Variants in CDK14 observed in about 807,000 individuals in gnomAD.
CDK14 encodes cyclin dependent kinase 14, also known as cyclin-dependent kinase 14.
A neutral mutation model predicts 60.7 loss-of-function variants in CDK14; 34 were observed. The observed-to-expected ratio is 0.56, with a 90% CI of 0.43 to 0.75. The LOEUF (loss-of-function observed/expected upper bound fraction) is 0.75, where lower values mean the gene tolerates loss of function less well. Ranked by LOEUF, CDK14 falls within the 30% of genes least tolerant of loss-of-function variation. The pLI is 0.00. For missense variants in CDK14, 482 were observed against 564.1 expected (o/e 0.85, Z 1.47); for synonymous variants, 197 against 203.7 (o/e 0.97, Z 0.28).
At chr7:90,963,086 A>AGTGTGTGTGTGTGTGTGT (rs34662049) in intron 9 of CDK14, among the ~76,000 whole-genome samples, 99 of 142,176 alleles carry the variant, frequency 7.0e-4, no homozygotes, top group African/African-American at 1.3e-3. Flanking sequence ...TCATCTTAAG[A>AGTGTGTGTGTGTGTGTGT]GTGTGTGTGT....
chr7:90,900,240 T>C (rs986995638), intron 7 of CDK14, among the ~76,000 whole-genome samples: 18 of 152,148 alleles, frequency 1.2e-4, no homozygotes, highest in African/African-American at 4.1e-4. Flanking sequence ...TAGGAACTTA[T>C]AGGAAATCTG....
chr7:91,104,430 A>G (rs1012087967), intron 12 of CDK14, among the ~76,000 whole-genome samples: 7 of 152,128 alleles, frequency 4.6e-5, no homozygotes, highest in African/African-American at 1.7e-4. Context: ...TTAATGCCTG[A>G]ATGTTCTTTG....
At chr7:90,671,986 A>G (rs1273710527) in intron 2 of CDK14, among the ~76,000 whole-genome samples, 1 of 152,214 alleles carries the variant, frequency 6.6e-6, no homozygotes, top group Non-Finnish European at 1.5e-5. Context: ...CTGGCCAGTT[A>G]TCTTCGCAGT....
intron 14 of CDK14, among the ~76,000 whole-genome samples, chr7:91,174,597 G>C (rs377188796): frequency 0.05 from 6,481 of 130,780 alleles, 125 homozygotes; most frequent in Admixed American, 0.094. Flanking sequence ...ATAACCAATA[G>C]AGAGAAGTGC....
rs528429762 is a variant in CDK14, at chr7:90,709,581, G to A, written c.124-16986G>A. 1.5e-5 allele frequency: 24 copies of A among 1,612,932 alleles called. No individual in the cohort carries two copies. Among genetic ancestry groups the A allele is most frequent in the Admixed American group, 5.0e-5 (3 of 59,870 alleles). ...TGGCTGCAATGCTGCTGCAGAGCCC[G>A]GTTACTCTGCCTTCGTGGGAACTCC... is the stretch of plus-strand genomic sequence containing the variant. On this transcript the variant is annotated intron_variant, in intron 2 of 14. Transcript: ENST00000380050.
intron 11 of CDK14, among the ~76,000 whole-genome samples, chr7:91,050,317 C>A (rs762962854): frequency 6.6e-6 from 1 of 152,082 alleles, no homozygotes; most frequent in Non-Finnish European, 1.5e-5. Context: ...TAACAGGAAT[C>A]CAGGGGAGAG....
At chr7:90,680,576 A>C (rs766636895) in intron 2 of CDK14, among the ~76,000 whole-genome samples, 2 of 152,186 alleles carry the variant, frequency 1.3e-5, no homozygotes, top group Non-Finnish European at 2.9e-5. Flanking sequence ...TGTTGGAAAA[A>C]TCTATTGGGT....
chr7:90,635,390 A>C (rs1422602486), intron 2 of CDK14, among the ~76,000 whole-genome samples: 1 of 152,220 alleles, frequency 6.6e-6, no homozygotes, highest in Non-Finnish European at 1.5e-5. Flanking sequence ...TTAAATAGGG[A>C]ATCCTTTCCC....
At chr7:90,932,212 CTG>C (rs1253808967) in intron 8 of CDK14, among the ~76,000 whole-genome samples, 3 of 152,116 alleles carry the variant, frequency 2.0e-5, no homozygotes. Flanking sequence ...ATTTCTGAAA[CTG>C]TGGTCTGCGG....
chr7:90,826,745 G>C (rs1463460443), intron 5 of CDK14, among the ~76,000 whole-genome samples: 1 of 151,998 alleles, frequency 6.6e-6, no homozygotes, highest in African/African-American at 2.4e-5. Context: ...TAGGTTTATG[G>C]AGAAATTGAG....
intron 4 of CDK14, among the ~76,000 whole-genome samples, chr7:90,782,827 C>A (rs12704577): frequency 0.18 from 27,871 of 151,984 alleles, 2,673 homozygotes; most frequent in South Asian, 0.24. Flanking sequence ...TAAGGAGGAA[C>A]TAAATAATTT....
intron 4 of CDK14, among the ~76,000 whole-genome samples, chr7:90,771,510 A>G (rs954284347): frequency 6.6e-5 from 10 of 152,202 alleles, no homozygotes; most frequent in African/African-American, 2.4e-4. Context: ...ACAGAAGGAA[A>G]GCTCTCAGCA....
At chr7:91,004,507 G>A (rs1795927546) in intron 10 of CDK14, among the ~76,000 whole-genome samples, 1 of 152,176 alleles carries the variant, frequency 6.6e-6, no homozygotes, top group Admixed American at 6.5e-5. Context: ...CTAAAGGTGT[G>A]TGAGCAAGGT....
At chr7:90,758,489 C>A (rs892730870) in intron 4 of CDK14, among the ~76,000 whole-genome samples, 1 of 152,150 alleles carries the variant, frequency 6.6e-6, no homozygotes, top group Non-Finnish European at 1.5e-5. Flanking sequence ...TTTAATTCAG[C>A]ACCTTGAAAT....
At chr7:91,206,721 C>T (rs1802910569) in intron 14 of CDK14, among the ~76,000 whole-genome samples, 1 of 152,272 alleles carries the variant, frequency 6.6e-6, no homozygotes, top group Admixed American at 6.5e-5. Context: ...GAATTATATA[C>T]AGCTGAATTT....
intron 12 of CDK14, among the ~76,000 whole-genome samples, chr7:91,088,563 A>G (rs547007656): frequency 7.1e-6 from 1 of 141,688 alleles, no homozygotes; most frequent in South Asian, 2.2e-4. Flanking sequence ...CATAGAGTTT[A>G]TATATATGTG....
At chr7:90,885,225 T>G (rs889464295) in intron 6 of CDK14, among the ~76,000 whole-genome samples, 8 of 152,006 alleles carry the variant, frequency 5.3e-5, no homozygotes, top group African/African-American at 1.9e-4. Flanking sequence ...ACAAGGAACA[T>G]AAACACATTT....
chr7:91,055,181 A>C (rs1021405395), intron 11 of CDK14, among the ~76,000 whole-genome samples: 1 of 152,194 alleles, frequency 6.6e-6, no homozygotes, highest in African/African-American at 2.4e-5. Context: ...TCCATAGCTG[A>C]CCAGGGATTT....
chr7:90,712,889 G>T (rs532720471), intron 2 of CDK14, among the ~76,000 whole-genome samples: 96 of 152,212 alleles, frequency 6.3e-4, no homozygotes, highest in African/African-American at 2.0e-3. Context: ...CAGAGTCAGA[G>T]ACTCTTAGAG....
Sources: allele counts gnomAD v4.1 joint callset (sites outside exome capture counted in the v4.1 genomes callset), GRCh38; gene constraint gnomAD v4.1.1; transcripts MANE v1.5; gene names NCBI Gene and HGNC (gene_info 2026-07-23, HGNC 2026-07-21).